IL1RAPL1: variants seen among roughly 807,000 people sequenced by gnomAD.
IL1RAPL1 encodes interleukin-1 receptor accessory protein-like 1.
IL1RAPL1 carries 3 observed loss-of-function variants against 48.4 expected under a neutral mutation model. The observed-to-expected ratio is 0.06, with a 90% CI of 0.03 to 0.16. The LOEUF is 0.16. IL1RAPL1 is among the 10% of genes least tolerant of loss of function. IL1RAPL1 has a pLI of 1.00. For missense variants in IL1RAPL1, 349 were observed against 530.6 expected, an observed-to-expected ratio of 0.66 and a Z score of 3.36; for synonymous variants, 185 against 187.7, an observed-to-expected ratio of 0.99 and a Z score of 0.12.
chrX:29,634,380 CAGAG>C (rs1054398431), intron 5 of IL1RAPL1, among the ~76,000 whole-genome samples: 16 of 111,636 alleles, frequency 1.4e-4, no homozygotes, highest in Non-Finnish European at 7.5e-5. Flanking sequence ...AAAAATAAAA[CAGAG>C]AGGAGTCAAA....
chrX:29,692,556 C>T (rs1029762571), intron 6 of IL1RAPL1, among the ~76,000 whole-genome samples: 3 of 112,203 alleles, frequency 2.7e-5, no homozygotes, highest in Non-Finnish European at 5.6e-5. Context: ...TAAGAGTTTT[C>T]ATTTTTCTGC....
At chrX:29,511,014 G>A (rs752496231) in intron 5 of IL1RAPL1, among the ~76,000 whole-genome samples, 1 of 111,452 alleles carries the variant, frequency 9.0e-6, no homozygotes, top group Non-Finnish European at 1.9e-5. Context: ...CTTTATAGTC[G>A]AGTGAGATGA....
intron 5 of IL1RAPL1, among the ~76,000 whole-genome samples, chrX:29,637,895 T>C (rs1455920284): frequency 8.9e-6 from 1 of 111,948 alleles, no homozygotes; most frequent in African/African-American, 3.2e-5. Context: ...TCTAGAAAAA[T>C]GTTAAATTTT....
At chrX:29,874,703 GC>G (rs780657195) in intron 6 of IL1RAPL1, among the ~76,000 whole-genome samples, 1 of 112,405 alleles carries the variant, frequency 8.9e-6, no homozygotes, top group Non-Finnish European at 1.9e-5. Flanking sequence ...TTTATCTCTA[GC>G]TTTTACTAAA....
At chrX:28,940,322 A>G (rs1009001721) in intron 2 of IL1RAPL1, among the ~76,000 whole-genome samples, 8 of 111,324 alleles carry the variant, frequency 7.2e-5, no homozygotes, top group Non-Finnish European at 1.1e-4. Flanking sequence ...TATATTTATG[A>G]GAGCAAAAAT....
intron 5 of IL1RAPL1, among the ~76,000 whole-genome samples, chrX:29,400,841 G>A (rs62588125): frequency 0.011 from 1,198 of 111,898 alleles, 7 homozygotes; most frequent in Middle Eastern, 0.023. Flanking sequence ...TGAGGCAAAG[G>A]AATTTAAAAA....
At chrX:28,761,177 T>C (rs745319141) in intron 1 of IL1RAPL1, among the ~76,000 whole-genome samples, 1 of 110,694 alleles carries the variant, frequency 9.0e-6, no homozygotes, top group Admixed American at 9.6e-5. Flanking sequence ...GTGTAAATTA[T>C]TTCAGGCATT....
At chrX:28,805,414 T>C (rs1313992019) in intron 2 of IL1RAPL1, among the ~76,000 whole-genome samples, 1 of 111,485 alleles carries the variant, frequency 9.0e-6, no homozygotes, top group Non-Finnish European at 1.9e-5. Flanking sequence ...GACTGACAAA[T>C]TGTACATCTG....
At chrX:29,489,445 C>A (rs1935132693) in intron 5 of IL1RAPL1, among the ~76,000 whole-genome samples, 1 of 111,395 alleles carries the variant, frequency 9.0e-6, no homozygotes, top group Admixed American at 9.5e-5. Flanking sequence ...CTAAGCTAAA[C>A]AAAAAATGAT....
At chrX:28,591,129 C>T (rs1272466447) in intron 1 of IL1RAPL1, among the ~76,000 whole-genome samples, 5 of 110,812 alleles carry the variant, frequency 4.5e-5, no homozygotes, top group African/African-American at 1.3e-4. Context: ...TTTTGTCAGC[C>T]GCAGTCATGT....
intron 2 of IL1RAPL1, among the ~76,000 whole-genome samples, chrX:29,264,252 T>A (rs909291305): frequency 5.7e-4 from 64 of 111,925 alleles, no homozygotes; most frequent in Non-Finnish European, 1.2e-3. Flanking sequence ...AAGCGTACTA[T>A]GATTTTAATA....
intron 1 of IL1RAPL1, among the ~76,000 whole-genome samples, chrX:28,658,482 G>T (rs1297662494): frequency 1.8e-5 from 2 of 111,120 alleles, no homozygotes; most frequent in Non-Finnish European, 3.8e-5. Context: ...CTCCCAAAGT[G>T]CTGGGATTAC....
chrX:29,714,549 T>G (rs1440028524), intron 6 of IL1RAPL1, among the ~76,000 whole-genome samples: 6 of 112,093 alleles, frequency 5.4e-5, no homozygotes, highest in Non-Finnish European at 1.1e-4. Flanking sequence ...TCTAGCACAT[T>G]TTATATGATA....
intron 6 of IL1RAPL1, among the ~76,000 whole-genome samples, chrX:29,715,073 A>T (rs1240010946): frequency 1.8e-5 from 2 of 111,736 alleles, no homozygotes; most frequent in African/African-American, 6.5e-5. Flanking sequence ...ATTTGTGTAA[A>T]CATCTTTTGT....
intron 1 of IL1RAPL1, among the ~76,000 whole-genome samples, chrX:28,759,888 A>G (rs1057027685): frequency 1.8e-5 from 2 of 111,448 alleles, no homozygotes; most frequent in African/African-American, 6.5e-5. Flanking sequence ...TCTTGTACCT[A>G]GGAAGTATTT....
intron 5 of IL1RAPL1, among the ~76,000 whole-genome samples, chrX:29,530,055 A>G (rs961112217): frequency 4.4e-5 from 5 of 112,501 alleles, no homozygotes; most frequent in Admixed American, 1.9e-4. Flanking sequence ...TATCACTATT[A>G]TTACCTAATT....
At chrX:29,045,665 C>G (rs1329629270) in intron 2 of IL1RAPL1, among the ~76,000 whole-genome samples, 2 of 111,026 alleles carry the variant, frequency 1.8e-5, no homozygotes, top group Admixed American at 1.9e-4. Context: ...GACTGGGTCA[C>G]CTCAGCCTTC....
intron 1 of IL1RAPL1, among the ~76,000 whole-genome samples, chrX:28,608,794 T>A (rs1934114062): frequency 8.9e-6 from 1 of 112,228 alleles, no homozygotes; most frequent in Admixed American, 9.5e-5. Flanking sequence ...TACTTTCATT[T>A]TATTGGCAAG....
chrX:29,953,723 C>T (rs1933358963), intron 9 of IL1RAPL1, among the ~76,000 whole-genome samples: 1 of 111,593 alleles, frequency 9.0e-6, no homozygotes, highest in Admixed American at 9.5e-5. Flanking sequence ...AATTAATTCT[C>T]ACAAGTTTGG....
Sources: gnomAD v4.1 joint callset for allele counts (sites outside exome capture counted in the v4.1 genomes callset) on GRCh38, gnomAD v4.1.1 for gene constraint, MANE v1.5 for transcripts, NCBI Gene and HGNC (gene_info 2026-07-23, HGNC 2026-07-21) for gene names.